Variants in LRRIQ1 observed in about 807,000 individuals in gnomAD.
The protein encoded by LRRIQ1 is leucine rich repeats and IQ motif containing 1.
A neutral mutation model predicts 211.9 loss-of-function variants in LRRIQ1; 210 were observed. That is an observed-to-expected ratio of 0.99 (90% CI 0.89 to 1.11). The LOEUF (loss-of-function observed/expected upper bound fraction) is 1.11, where lower values mean the gene tolerates loss of function less well. LRRIQ1 is among the 50% of genes most tolerant of loss of function. LRRIQ1 has a pLI of 0.00. For synonymous variants in LRRIQ1, 699 were observed against 650.1 expected (o/e 1.08, Z -1.14); for missense variants, 2,136 against 1,939.5 (o/e 1.10, Z -1.90).
Position 85,153,085 on chromosome 12 carries a change from C to T in LRRIQ1, c.4481C>T (p.Ala1494Val), listed in dbSNP as rs1226725044. The T allele has an allele frequency of 6.3e-7, 1 of 1,585,478 alleles. No individual in the cohort carries two copies. Among genetic ancestry groups the T allele is most frequent in the Non-Finnish European group, 8.6e-7 (1 of 1,161,574 alleles). ...SFNLPSNPAQAWLCNDKENLS... is the reference protein window; with the variant it reads ...SFNLPSNPAQVWLCNDKENLS... The stretch of plus-strand genomic sequence containing the variant: ...AATTTACCAAGTAATCCAGCTCAAG[C>T]ATGGTTATGTAATGACAAAGAAAAT... Residue 1494 changes from alanine to valine, a missense_variant, in exon 21 of 27, where the codon GCA (alanine) becomes GTA (valine). Ala to Val is a moderately conservative substitution (Grantham distance 64). Transcript: ENST00000393217.
intron 24 of LRRIQ1, among the ~76,000 whole-genome samples, chr12:85,161,398 T>A (rs1046637724): frequency 2.0e-5 from 3 of 149,922 alleles, no homozygotes; most frequent in Non-Finnish European, 4.4e-5. Context: ...TTGTACTACT[T>A]TTTTAGTATA....
chr12:85,243,134 T>C (rs1250160074), intron 26 of LRRIQ1, among the ~76,000 whole-genome samples: 1 of 150,778 alleles, frequency 6.6e-6, no homozygotes, highest in Admixed American at 6.6e-5. Context: ...ACATGTTTTT[T>C]CTTGTTACCT....
rs71076115 is a variant in LRRIQ1, at chr12:85,174,701, C to CAAAAAAAAAAAAAAAAAAAAAAAAAAA, written c.4822+14009_4822+14010insAAAAAAAAAAAAAAAAAAAAAAAAAAA. On this transcript the variant is annotated intron_variant, in intron 24 of 26. Transcript: ENST00000393217. ...TGGGTGACAGAGCAAGAGTACAGCT[C>CAAAAAAAAAAAAAAAAAAAAAAAAAAA]AAAAAAAAAAAAAAAAAAAAAATCT... Among the ~76,000 whole-genome samples, 15 of 21,594 alleles carry CAAAAAAAAAAAAAAAAAAAAAAAAAAA rather than the reference C, an allele frequency of 6.9e-4. 1 individual carries two copies. The highest frequency in any genetic ancestry group is 9.3e-4 in the Non-Finnish European group (12 of 12,950). 14.2% of individuals were successfully genotyped at this position (21,594 alleles called of 152,430 possible). A position where few individuals can be genotyped will look rare whatever the true frequency, so the allele number is the denominator to read the frequency against.
chr12:85,239,774 T>C (rs1471993380), intron 26 of LRRIQ1, among the ~76,000 whole-genome samples: 1 of 151,970 alleles, frequency 6.6e-6, no homozygotes, highest in Non-Finnish European at 1.5e-5. Flanking sequence ...GGCCAGGAGT[T>C]TGGGACCAGC....
Position 85,229,486 on chromosome 12 carries a change from A to G in LRRIQ1, c.4823-31A>G. ...TGGCCAAAGTTTGGTCTCTTTAAAT[A>G]ATAAGTACACGTTCCATATTTCTTT... On this transcript the variant is annotated intron_variant, in intron 24 of 26. Transcript: ENST00000393217. The G allele has an allele frequency of 1.9e-6, 3 of 1,556,228 alleles. No homozygotes were observed. In the African/African-American group the frequency reaches 4.2e-5, roughly 22 times the overall value.
At chr12:85,198,805 T>A (rs1282911564) in intron 24 of LRRIQ1, among the ~76,000 whole-genome samples, 1 of 152,108 alleles carries the variant, frequency 6.6e-6, no homozygotes, top group Non-Finnish European at 1.5e-5. Context: ...GCTGACCTCG[T>A]GATCCACCCG....
At chr12:85,153,840 A>C (rs1440765636) in intron 22 of LRRIQ1, 82 bp downstream of exon 22, 1 of 1,015,874 alleles carries the variant, frequency 9.8e-7, no homozygotes. Context: ...CAAGATTTTA[A>C]GAATACCTAT....
intron 19 of LRRIQ1, among the ~76,000 whole-genome samples, chr12:85,151,014 A>G (rs2708495): frequency 1.1e-3 from 160 of 151,586 alleles, no homozygotes; most frequent in African/African-American, 3.8e-3. Context: ...AGAATATACT[A>G]TATTGTTATT....
At chr12:85,229,496 C>T (rs761297400) in intron 24 of LRRIQ1, 21 bp from the exon 25 acceptor site, 59 of 1,584,238 alleles carry the variant, frequency 3.7e-5, no homozygotes, top group Non-Finnish European at 4.8e-5. Context: ...AATAAGTACA[C>T]GTTCCATATT....
chr12:85,261,643 G>A (rs1321683036), intron 1 of LRRIQ1, among the ~76,000 whole-genome samples: 1 of 151,766 alleles, frequency 6.6e-6, no homozygotes, highest in Non-Finnish European at 1.5e-5. Context: ...CAGTACTGAG[G>A]AAGCCCTGGA....
intron 24 of LRRIQ1, among the ~76,000 whole-genome samples, chr12:85,169,981 G>A (rs976755589): frequency 1.3e-5 from 2 of 151,994 alleles, no homozygotes; most frequent in African/African-American, 4.8e-5. Flanking sequence ...ACATCATTTA[G>A]TAATACAAGG....
chr12:85,185,963 T>C (rs971331764), intron 24 of LRRIQ1, among the ~76,000 whole-genome samples: 1 of 152,040 alleles, frequency 6.6e-6, no homozygotes, highest in Non-Finnish European at 1.5e-5. Flanking sequence ...TGTTTAAGAC[T>C]ATTTTTATTG....
intron 23 of LRRIQ1, 43 bp downstream of exon 23, chr12:85,154,137 A>G: frequency 9.3e-7 from 1 of 1,073,966 alleles, no homozygotes; most frequent in Non-Finnish European, 1.3e-6. Context: ...TGTATGGAAA[A>G]TTGAAGATAA....
intron 1 of LRRIQ1, among the ~76,000 whole-genome samples, chr12:85,259,607 A>ACAAC (rs2137330775): frequency 6.6e-6 from 1 of 152,258 alleles, no homozygotes; most frequent in East Asian, 1.9e-4. Flanking sequence ...GCAGAACAAT[A>ACAAC]CAACTCAAGC....
chr12:85,126,171 C>T (rs555726940), intron 17 of LRRIQ1, among the ~76,000 whole-genome samples: 1 of 152,234 alleles, frequency 6.6e-6, no homozygotes, highest in Non-Finnish European at 1.5e-5. Context: ...TAGTGAAAAG[C>T]AGTCCATATG....
intron 24 of LRRIQ1, among the ~76,000 whole-genome samples, chr12:85,165,775 A>T (rs1441766773): frequency 2.0e-5 from 3 of 151,956 alleles, no homozygotes; most frequent in Non-Finnish European, 4.4e-5. Context: ...GGCTGATTTG[A>T]TGCATTTTAA....
At chr12:85,115,584 T>C (rs986744170) in intron 15 of LRRIQ1, among the ~76,000 whole-genome samples, 1 of 152,186 alleles carries the variant, frequency 6.6e-6, no homozygotes, top group Admixed American at 6.5e-5. Context: ...CCTCTCTTGA[T>C]CCACATTCCC....
At chr12:85,238,554 C>T (rs1034946462) in intron 26 of LRRIQ1, among the ~76,000 whole-genome samples, 2 of 151,558 alleles carry the variant, frequency 1.3e-5, no homozygotes, top group African/African-American at 4.8e-5. Flanking sequence ...TATTGACATC[C>T]AGAAGAAAGT....
intron 24 of LRRIQ1, among the ~76,000 whole-genome samples, chr12:85,195,799 C>G (rs1244782550): frequency 2.0e-5 from 3 of 152,118 alleles, no homozygotes; most frequent in Non-Finnish European, 4.4e-5. Flanking sequence ...CACTCCTATT[C>G]AACGTAGTGT....
Sources: gnomAD v4.1 joint callset for allele counts (sites outside exome capture counted in the v4.1 genomes callset) on GRCh38, gnomAD v4.1.1 for gene constraint, MANE v1.5 for transcripts, NCBI Gene and HGNC (gene_info 2026-07-23, HGNC 2026-07-21) for gene names.